Variants in ABCA2 observed in about 807,000 individuals in gnomAD.
ABCA2 encodes the protein ATP-binding cassette sub-family A member 2.
Under a neutral mutation model 262.8 loss-of-function variants are expected in ABCA2, and 84 were observed. The observed-to-expected ratio is 0.32, with a 90% CI of 0.27 to 0.38. The LOEUF is 0.38. Among genes scored for constraint, ABCA2 ranks in the 10% least tolerant of loss-of-function variants. ABCA2 has a pLI of 1.00. For synonymous variants in ABCA2, 1,696 were observed against 1,502.9 expected, an observed-to-expected ratio of 1.13 and a Z score of -2.97; for missense variants, 2,662 against 3,405.9, an observed-to-expected ratio of 0.78 and a Z score of 5.44.
chr9:137,026,911 G>T (rs1005014022), intron 1 of ABCA2, among the ~76,000 whole-genome samples: 2 of 152,248 alleles, frequency 1.3e-5, no homozygotes, highest in Non-Finnish European at 2.9e-5. Context: ...AGCTCCAGGT[G>T]CCTGGCCAGG....
Position 137,012,091 on chromosome 9 carries a change from G to A in ABCA2, c.5360+11C>T. On this transcript the variant is annotated intron_variant, in intron 34 of 48. Transcript: ENST00000341511. Reference sequence around the variant, plus strand: ...ACCTGCCCCACCTCATCCCCCACTGGCCACACTTACAGGTAATCCAGGGAG... The same window carrying A: ...ACCTGCCCCACCTCATCCCCCACTGACCACACTTACAGGTAATCCAGGGAG... 2.5e-6 allele frequency: 4 copies of A among 1,612,634 alleles called. No homozygotes were observed. The highest frequency in any genetic ancestry group is 1.1e-5 in the South Asian group (1 of 91,082).
chr9:137,012,964 C>T, intron 30 of ABCA2, 38 bp downstream of exon 30: 1 of 1,479,710 alleles, frequency 6.8e-7, no homozygotes, highest in Non-Finnish European at 9.0e-7. Context: ...GGACCCCTCA[C>T]TGCCCCTGCC....
At chr9:137,018,616 A>T in intron 13 of ABCA2, 103 bp downstream of exon 13, 2 of 812,530 alleles carry the variant, frequency 2.5e-6, no homozygotes, top group Non-Finnish European at 3.5e-6. Context: ...GGGGAAGGCC[A>T]GGGCGCGGCC....
At position 137,013,175 on chromosome 9, in the gene ABCA2, C is replaced by A. The variant is rs1449588556; in HGVS notation, c.4694G>T (p.Arg1565Leu). The A allele has an allele frequency of 1.9e-6, 3 of 1,599,616 alleles. No homozygotes were observed. The highest frequency in any genetic ancestry group is 2.7e-5 in the African/African-American group (2 of 74,648). ...GTCGAAGAACCGAGCCGCCAGCAGGCGCGACTCCCCGCTGCTCAGGTTCAA... is the reference window on the plus strand; with the variant it reads ...GTCGAAGAACCGAGCCGCCAGCAGGAGCGACTCCCCGCTGCTCAGGTTCAA... ...PTLNLSSGES[R>L]LLAARFFDSM... Residue 1565 changes from arginine (R) to leucine (L), a missense_variant, in exon 30 of 49, where the codon CGC becomes CTC. By Grantham distance (102) the Arg-to-Leu change is moderately radical (BLOSUM62 -2). This residue lies in a region of ABCA2 where 192 missense variants were observed against 207.2 expected (regional missense o/e 0.93). Coordinates refer to ENST00000341511, the MANE Select transcript of ABCA2 (RefSeq NM_001606.5).
At position 137,015,437 on chromosome 9, in the gene ABCA2, G is replaced by A. The variant is rs530650916; in HGVS notation, c.3674C>T (p.Pro1225Leu). ...DGYRLTLVKR[P>L]AEPGGPQEPG... ...ACCTTGGGGGCCCCCCGGCTCGGCG[G>A]GCCGCTTGACCAGCGTGAGGCGGTA... Residue 1225 changes from proline (P) to leucine (L), a missense_variant, in exon 24 of 49, where the codon CCC becomes CTC. By Grantham distance (98) the Pro-to-Leu change is moderately conservative (BLOSUM62 -3). Transcript: ENST00000341511. The A allele has an allele frequency of 1.5e-5, 24 of 1,569,886 alleles. No homozygotes were observed. In the East Asian group the frequency reaches 5.2e-4, roughly 34 times the overall value.
rs759572676 is a variant in ABCA2, at chr9:137,020,461, T to C, written c.1300A>G (p.Met434Val). Residue 434 changes from methionine (M) to valine (V), a missense_variant, in exon 10 of 49, where the codon ATG becomes GTG. Met to Val is a conservative substitution (Grantham distance 21). Transcript: ENST00000341511. ...TTGCTCGTGAAGCCCAGGGAGCTCA[T>C]GTTGCCCCGCCGCAGCGCCTCGGGT... is the stretch of plus-strand genomic sequence containing the variant. ...IEPEALRRGN[M>V]SSLGFTSKEQ... 2 of 1,607,020 alleles carry C rather than the reference T, an allele frequency of 1.2e-6. No individual in the cohort carries two copies. Among genetic ancestry groups the C allele is most frequent in the South Asian group, 1.1e-5 (1 of 90,852 alleles).
intron 6 of ABCA2, 78 bp downstream of exon 6, chr9:137,022,273 C>T (rs1831495182): frequency 1.3e-6 from 2 of 1,483,136 alleles, no homozygotes; most frequent in Admixed American, 2.3e-5. Flanking sequence ...GCTGAGCATC[C>T]TGAGGATGGC....
chr9:137,008,694 G>A (rs751772923), intron 47 of ABCA2, 37 bp downstream of exon 47: 6 of 1,564,914 alleles, frequency 3.8e-6, no homozygotes, highest in Non-Finnish European at 4.3e-6. Flanking sequence ...GTGAGGGGAG[G>A]GGCAGGTGTG....
Position 137,017,555 on chromosome 9 carries a change from C to A in ABCA2, c.2349G>T (p.Val783=). 6.2e-7 allele frequency: 1 copy of A among 1,612,396 alleles called. No homozygotes were observed. The highest frequency in any genetic ancestry group is 1.1e-5 in the South Asian group (1 of 91,084). Residue 783 remains valine (V), a synonymous_variant, in exon 17 of 49, where the codon GTG becomes GTT. Transcript: ENST00000341511. ...CTGCCAGGAAGAGCCAGATGATGAC[C>A]ACGTGGCTGTGCATAAGCACCTGGC... ...KYGQVLMHSH[V]VIIWLFLAVY... is the part of the protein sequence containing the mutation.
chr9:137,012,424 G>C (rs1287155137), intron 32 of ABCA2, 48 bp from the exon 33 acceptor site: 2 of 1,608,824 alleles, frequency 1.2e-6, no homozygotes, highest in Non-Finnish European at 1.7e-6. Context: ...TCAGACCTGG[G>C]TCCCTGCAGA....
intron 46 of ABCA2, 32 bp from the exon 47 acceptor site, chr9:137,008,900 G>GCCCCCCCCCCCCCCGCGCGCCCC: frequency 2.6e-6 from 4 of 1,555,242 alleles, no homozygotes; most frequent in Non-Finnish European, 3.5e-6. Flanking sequence ...GCCTGGCAGC[G>GCCCCCCCCCCCCCCGCGCGCCCC]CCCCCCCACC....
At chr9:137,008,007 C>A (rs370983306) in intron 48 of ABCA2, 43 bp from the exon 49 acceptor site, 1 of 1,587,842 alleles carries the variant, frequency 6.3e-7, no homozygotes, top group Non-Finnish European at 8.5e-7. Context: ...TCCTGTGCCA[C>A]CCCCTGCTGG....
chr9:137,015,407 C>T lies in ABCA2; in HGVS notation c.3697+7G>A, dbSNP rs745411306. 2.6e-6 allele frequency: 4 copies of T among 1,555,738 alleles called. No homozygotes were observed. Among genetic ancestry groups the T allele is most frequent in the Non-Finnish European group, 3.5e-6 (4 of 1,150,808 alleles). On this transcript the variant is annotated splice_region_variant and intron_variant, in intron 24 of 48. Coordinates refer to ENST00000341511, the MANE Select transcript of ABCA2 (RefSeq NM_001606.5). ...CCGAAGCCAGCTCAGGCAGCTTCAA[C>T]ACAGACCTTGGGGGCCCCCCGGCTC...
chr9:137,010,271 G>A lies in ABCA2; in HGVS notation c.6275C>T (p.Ala2092Val). 6.3e-7 allele frequency: 1 copy of A among 1,597,850 alleles called. No homozygotes were observed. The highest frequency in any genetic ancestry group is 8.5e-7 in the Non-Finnish European group (1 of 1,173,398). The change falls in exon 41 of 49, where the codon GCG becomes GTG. Residue 2092 changes from alanine (A) to valine (V), a missense_variant. By Grantham distance (64) the Ala-to-Val change is moderately conservative (BLOSUM62 0). Around this residue, in one of 12 missense-constraint regions of ABCA2, gnomAD observed 602 missense variants for 897.4 expected, o/e 0.67. Coordinates refer to ENST00000341511, the MANE Select transcript of ABCA2 (RefSeq NM_001606.5). ...ECFGLLGVNG[A>V]GKTSTFKMLT... ...CATCTTGAAGGTGCTGGTCTTGCCC[G>A]CACCGTTGACGCCCAGGAGCCCGAA...
rs745705972 is a variant in ABCA2, at chr9:137,024,104, G to A, written c.160+39C>T. ...ACAGCGCAGGCGTGCGAGGTGCCGC[G>A]CTCCCCCGGCTGTGCCTGGGGCCTC... On this transcript the variant is annotated intron_variant, in intron 2 of 48. Coordinates refer to ENST00000341511, the MANE Select transcript of ABCA2 (RefSeq NM_001606.5). 2.5e-5 allele frequency: 40 copies of A among 1,577,422 alleles called. No homozygotes were observed. The Admixed American group carries it at 3.7e-4, about 15-fold the overall frequency.
intron 10 of ABCA2, 137 bp downstream of exon 10, chr9:137,020,199 C>G: frequency 2.5e-6 from 3 of 1,179,952 alleles, no homozygotes; most frequent in Admixed American, 4.1e-5. Flanking sequence ...ACCTGCAGAG[C>G]CTGTGTCCCA....
chr9:137,010,141 T>G lies in ABCA2; in HGVS notation c.6354-17A>C. On this transcript the variant is annotated splice_polypyrimidine_tract_variant and intron_variant, in intron 41 of 48. Transcript: ENST00000341511. ...TTCAGCACGCTGGGGACACGGCAGC[T>G]GTCAGCGCGTGAGGACGCGGCGGCC... 1 of 1,591,434 alleles carries G rather than the reference T, an allele frequency of 6.3e-7. No homozygotes were observed. The highest frequency in any genetic ancestry group is 1.3e-5 in the African/African-American group (1 of 74,722).
At position 137,012,709 on chromosome 9, in the gene ABCA2, C is replaced by T; in HGVS notation, c.5081+3G>A. The T allele has an allele frequency of 1.2e-6, 2 of 1,612,340 alleles. No homozygotes were observed. Among genetic ancestry groups the T allele is most frequent in the Non-Finnish European group, 1.7e-6 (2 of 1,179,696 alleles). Reference sequence around the variant, plus strand: ...TCACCCACAGCCTCCCCACCCAGCTCACCGGTGCAGTCGGAAGCGGTCGGA... The same window carrying T: ...TCACCCACAGCCTCCCCACCCAGCTTACCGGTGCAGTCGGAAGCGGTCGGA... On this transcript the variant is annotated splice_donor_region_variant and intron_variant, in intron 31 of 48. Coordinates refer to ENST00000341511, the MANE Select transcript of ABCA2 (RefSeq NM_001606.5).
rs759580513 is a variant in ABCA2 at position 137,021,566 on chromosome 9, C to G, written c.723G>C (p.Thr241=). The G allele has an allele frequency of 1.8e-5, 29 of 1,576,890 alleles. No homozygotes were observed. The South Asian group carries it at 3.2e-4, about 18-fold the overall frequency. ...TCCGGCCCAGCTCCCCCGAGCCCGGCGTGCAGGTGAGCTGCTCCAGGAGGG... is the reference window on the plus strand; with the variant it reads ...TCCGGCCCAGCTCCCCCGAGCCCGGGGTGCAGGTGAGCTGCTCCAGGAGGG... The part of the protein sequence containing the change: ...APALLEQLTC[T]PGSGELGRIL... Residue 241 remains threonine, a synonymous_variant, in exon 8 of 49, where the codon ACG becomes ACC. Transcript: ENST00000341511. The surrounding 1 kb of genome is among the most constrained non-coding windows in gnomAD (Gnocchi z 6.0).
Sources: gnomAD v4.1 joint callset for allele counts (sites outside exome capture counted in the v4.1 genomes callset) on GRCh38, gnomAD v4.1.1 for gene constraint, gnomAD v4.1.1 regional missense constraint, Gnocchi (gnomAD v3.1) non-coding constraint, MANE v1.5 for transcripts, NCBI Gene and HGNC (gene_info 2026-07-23, HGNC 2026-07-21) for gene names.